The following KLHL4 variants were observed in gnomAD, a reference collection of about 807,000 sequenced individuals.
KLHL4 encodes kelch-like protein 4.
A neutral mutation model predicts 45.8 loss-of-function variants in KLHL4; 17 were observed. The ratio of observed to expected loss-of-function variants is 0.37; its 90% CI spans 0.25 to 0.56. The LOEUF is 0.56. Ranked by LOEUF, KLHL4 falls within the 20% of genes least tolerant of loss-of-function variation. The probability of loss-of-function intolerance (pLI) is 0.79; values close to 1 mark genes in which losing one functional copy is unlikely to be tolerated. For synonymous variants in KLHL4, 224 were observed against 189.9 expected (o/e 1.18, Z -1.47); for missense variants, 544 against 544.9 (o/e 1.00, Z 0.02).
intron 1 of KLHL4, among the ~76,000 whole-genome samples, chrX:87,529,882 A>C (rs985669629): frequency 8.0e-5 from 9 of 112,137 alleles, no homozygotes; most frequent in African/African-American, 2.6e-4. Flanking sequence ...AATATAATTT[A>C]AATGCCTTAA....
At chrX:87,555,190 G>T (rs1271344328) in intron 1 of KLHL4, among the ~76,000 whole-genome samples, 1 of 106,320 alleles carries the variant, frequency 9.4e-6, no homozygotes, top group Non-Finnish European at 1.9e-5. Flanking sequence ...TTTTTTGGTT[G>T]TGTCTCTGCC....
At chrX:87,586,648 C>A (rs1921483289) in intron 1 of KLHL4, among the ~76,000 whole-genome samples, 1 of 110,695 alleles carries the variant, frequency 9.0e-6, no homozygotes, top group Admixed American at 9.6e-5. Flanking sequence ...GGGAAGTTTG[C>A]AGCTATAAGT....
intron 9 of KLHL4, among the ~76,000 whole-genome samples, chrX:87,657,734 T>G (rs760061577): frequency 9.0e-6 from 1 of 111,347 alleles, no homozygotes; most frequent in Non-Finnish European, 1.9e-5. Flanking sequence ...TACTCTAATG[T>G]CCCAGGGAAT....
intron 1 of KLHL4, among the ~76,000 whole-genome samples, chrX:87,545,431 C>T (rs927919502): frequency 9.0e-6 from 1 of 111,222 alleles, no homozygotes; most frequent in Non-Finnish European, 1.9e-5. Flanking sequence ...GGCTGTCCCC[C>T]CTTTGCTTCC....
intron 9 of KLHL4, among the ~76,000 whole-genome samples, chrX:87,636,666 A>G (rs1923274370): frequency 9.1e-6 from 1 of 110,447 alleles, no homozygotes; most frequent in Non-Finnish European, 1.9e-5. Context: ...TTCTGGCTGC[A>G]GGCTGCATGG....
At chrX:87,590,731 A>C (rs768642641) in intron 1 of KLHL4, among the ~76,000 whole-genome samples, 12 of 112,050 alleles carry the variant, frequency 1.1e-4, no homozygotes, top group Non-Finnish European at 1.9e-4. Flanking sequence ...AAGAATACAT[A>C]ATGAGAAAAA....
intron 1 of KLHL4, among the ~76,000 whole-genome samples, chrX:87,600,008 G>A (rs778642401): frequency 1.5e-4 from 17 of 112,302 alleles, no homozygotes; most frequent in Non-Finnish European, 3.0e-4. Context: ...ACTTGATACA[G>A]AAGTGATATA....
intron 9 of KLHL4, among the ~76,000 whole-genome samples, chrX:87,650,061 T>A (rs1602464613): frequency 9.0e-6 from 1 of 111,347 alleles, no homozygotes; most frequent in African/African-American, 3.3e-5. Context: ...CCATTGGAGT[T>A]TTGATAGAAA....
At chrX:87,534,171 T>C (rs1247201128) in intron 1 of KLHL4, among the ~76,000 whole-genome samples, 1 of 111,544 alleles carries the variant, frequency 9.0e-6, no homozygotes, top group Non-Finnish European at 1.9e-5. Flanking sequence ...CTAGTAAATG[T>C]AGCTACTCCT....
At chrX:87,604,908 A>G (rs1159402380) in intron 1 of KLHL4, among the ~76,000 whole-genome samples, 1 of 111,025 alleles carries the variant, frequency 9.0e-6, no homozygotes, top group African/African-American at 3.3e-5. Flanking sequence ...TGAGTGTTAT[A>G]TGCATGTTTT....
chrX:87,568,391 C>CTTTTTTTTTTTTTTTTTTTTTTTTT (rs58586775), intron 1 of KLHL4, among the ~76,000 whole-genome samples: 7 of 57,504 alleles, frequency 1.2e-4, no homozygotes, highest in African/African-American at 1.5e-4. Context: ...TTCTTTTTTT[C>CTTTTTTTTTTTTTTTTTTTTTTTTT]TTTTTTTTTT....
chrX:87,649,224 A>C (rs1923731001), intron 9 of KLHL4, among the ~76,000 whole-genome samples: 1 of 111,453 alleles, frequency 9.0e-6, no homozygotes, highest in African/African-American at 3.3e-5. Flanking sequence ...CCACTGTTCT[A>C]CTTTTTGTTT....
chrX:87,543,498 C>G (rs1001862011), intron 1 of KLHL4, among the ~76,000 whole-genome samples: 10 of 111,570 alleles, frequency 9.0e-5, no homozygotes, highest in Admixed American at 2.9e-4. Flanking sequence ...GATGCCACCC[C>G]TCCCCAACAC....
In KLHL4 at chrX:87,650,155, C is replaced by A. The variant is rs771659969; in HGVS notation, c.1925+14380C>A. ...TCCATCTGTCACCAAGGCTGGAATG[C>A]AGTGGTGCCATCATGGTTCACTGCA... On this transcript the variant is annotated intron_variant, in intron 9 of 10. Coordinates refer to ENST00000373119, the MANE Select transcript of KLHL4 (RefSeq NM_019117.5). Among the ~76,000 whole-genome samples, 10 of 111,308 alleles carry A rather than the reference C, an allele frequency of 9.0e-5. No homozygotes were observed. The South Asian group carries it at 2.7e-3, about 30-fold the overall frequency.
intron 9 of KLHL4, among the ~76,000 whole-genome samples, chrX:87,659,952 G>A (rs1230060918): frequency 1.2e-5 from 1 of 80,230 alleles, no homozygotes. Flanking sequence ...GTGTGTGTGC[G>A]CGTATGAGTG....
chrX:87,649,770 T>C (rs1478081017), intron 9 of KLHL4, among the ~76,000 whole-genome samples: 1 of 111,499 alleles, frequency 9.0e-6, no homozygotes, highest in African/African-American at 3.3e-5. Context: ...GAAAAGACTC[T>C]CCTTTCCCCA....
intron 1 of KLHL4, among the ~76,000 whole-genome samples, chrX:87,583,271 G>A (rs956269495): frequency 9.8e-5 from 11 of 111,862 alleles, no homozygotes; most frequent in Non-Finnish European, 2.1e-4. Context: ...GTCCCCACTC[G>A]ACACAGGAAG....
chrX:87,563,823 T>A (rs1344195009), intron 1 of KLHL4, among the ~76,000 whole-genome samples: 1 of 110,543 alleles, frequency 9.0e-6, no homozygotes, highest in Non-Finnish European at 1.9e-5. Flanking sequence ...CTCCCAAAGG[T>A]CATGGATAAT....
intron 9 of KLHL4, among the ~76,000 whole-genome samples, chrX:87,646,874 G>T (rs1177094899): frequency 9.0e-6 from 1 of 111,290 alleles, no homozygotes; most frequent in African/African-American, 3.3e-5. Context: ...AAAAGCAAAT[G>T]CAACAAAAAC....
Sources: gnomAD v4.1 joint callset for allele counts (sites outside exome capture counted in the v4.1 genomes callset) on GRCh38, gnomAD v4.1.1 for gene constraint, MANE v1.5 for transcripts, NCBI Gene and HGNC (gene_info 2026-07-23, HGNC 2026-07-21) for gene names.